The following DNAH6 variants were observed in gnomAD, a reference collection of about 807,000 sequenced individuals.
DNAH6 encodes the protein axonemal beta dynein heavy chain 6.
DNAH6 carries 340 observed loss-of-function variants against 491.4 expected under a neutral mutation model. The ratio of observed to expected loss-of-function variants is 0.69; its 90% CI spans 0.63 to 0.76. DNAH6 has a LOEUF of 0.76. Among genes scored for constraint, DNAH6 ranks in the 30% least tolerant of loss-of-function variants. The pLI is 0.00. For synonymous variants in DNAH6, 1,603 were observed against 1,686.1 expected (o/e 0.95, Z 1.21); for missense variants, 4,443 against 4,972.2 (o/e 0.89, Z 3.20).
At chr2:84,586,991 A>G (rs957329024) in intron 15 of DNAH6, among the ~76,000 whole-genome samples, 2 of 152,100 alleles carry the variant, frequency 1.3e-5, no homozygotes, top group Non-Finnish European at 2.9e-5. Context: ...ATACATGTGC[A>G]GGTTTGTTAT....
intron 16 of DNAH6, among the ~76,000 whole-genome samples, chr2:84,589,645 G>C (rs981295343): frequency 6.6e-6 from 1 of 151,020 alleles, no homozygotes; most frequent in African/African-American, 2.4e-5. Context: ...CCAGGAGGCG[G>C]AGGTTGCGGT....
intron 3 of DNAH6, among the ~76,000 whole-genome samples, chr2:84,527,181 A>T (rs1676682136): frequency 6.6e-6 from 1 of 152,146 alleles, no homozygotes; most frequent in Admixed American, 6.5e-5. Flanking sequence ...GGAAAGTTGG[A>T]GGCCTCTGTT....
chr2:84,800,372 AG>A (rs1225461369), intron 70 of DNAH6, among the ~76,000 whole-genome samples: 5 of 152,236 alleles, frequency 3.3e-5, no homozygotes, highest in African/African-American at 1.2e-4. Context: ...TTACCTCCAA[AG>A]GATCACACTA....
intron 51 of DNAH6, among the ~76,000 whole-genome samples, chr2:84,704,699 G>A (rs1300571085): frequency 6.6e-6 from 1 of 152,212 alleles, no homozygotes; most frequent in Non-Finnish European, 1.5e-5. Flanking sequence ...AATGTTCTTG[G>A]AGTGGGATGG....
chr2:84,749,429 C>T (rs1182629059), intron 63 of DNAH6, among the ~76,000 whole-genome samples: 1 of 152,102 alleles, frequency 6.6e-6, no homozygotes, highest in African/African-American at 2.4e-5. Flanking sequence ...AGGTTATAAT[C>T]AAAATTGAGC....
chr2:84,613,649 G>A (rs1686549306), intron 22 of DNAH6, among the ~76,000 whole-genome samples: 1 of 152,084 alleles, frequency 6.6e-6, no homozygotes. Context: ...AAAGATACCA[G>A]TAAGAAAGTG....
At position 84,611,850 on chromosome 2, in the gene DNAH6, G is replaced by A. The variant is rs911457137; in HGVS notation, c.3471G>A (p.Gln1157=). The change falls in exon 22 of 77, where the codon CAG becomes CAA. Residue 1157 remains glutamine (Q), a synonymous_variant. Transcript: ENST00000389394. The stretch of plus-strand genomic sequence containing the variant: ...CTAATGCTCTTCGAGCCGCTACTCA[G>A]CCAGGTATGAAACAAAATTCCAAAC... The part of the protein sequence containing the change: ...RLPNALRAAT[Q]PGLLETFQNN... 8 of 1,549,940 alleles carry A rather than the reference G, an allele frequency of 5.2e-6. No homozygotes were observed. The highest frequency in any genetic ancestry group is 7.0e-6 in the Non-Finnish European group (8 of 1,146,124).
chr2:84,514,322 A>G (rs946765254), upstream of DNAH6, among the ~76,000 whole-genome samples: 2 of 151,998 alleles, frequency 1.3e-5, no homozygotes, highest in Non-Finnish European at 2.9e-5. Context: ...GCCACTTACT[A>G]CCTCTGAAGT....
the DNAH6 span, among the ~76,000 whole-genome samples, chr2:84,497,927 C>A: frequency 6.6e-6 from 1 of 152,198 alleles, no homozygotes; most frequent in South Asian, 2.1e-4. Flanking sequence ...CTCAGCTTGT[C>A]CCTACCCTTT....
chr2:84,519,791 A>G (rs1024936868), intron 2 of DNAH6, among the ~76,000 whole-genome samples: 20 of 151,636 alleles, frequency 1.3e-4, no homozygotes, highest in Admixed American at 1.3e-3. Context: ...TCTAACATTG[A>G]TGACATCTAG....
At chr2:84,682,673 G>T (rs2104737241) in intron 42 of DNAH6, among the ~76,000 whole-genome samples, 1 of 152,260 alleles carries the variant, frequency 6.6e-6, no homozygotes, top group East Asian at 1.9e-4. Flanking sequence ...AGTTGCTCTG[G>T]CTAGGAACCT....
intron 21 of DNAH6, among the ~76,000 whole-genome samples, chr2:84,607,443 T>C (rs904613351): frequency 1.3e-5 from 2 of 151,990 alleles, no homozygotes; most frequent in Non-Finnish European, 2.9e-5. Flanking sequence ...TAGGAACACA[T>C]GGACATAAAG....
At chr2:84,783,766 G>A (rs1676924694) in intron 65 of DNAH6, among the ~76,000 whole-genome samples, 1 of 152,140 alleles carries the variant, frequency 6.6e-6, no homozygotes, top group African/African-American at 2.4e-5. Context: ...GACAGACAAT[G>A]AATAAACCAC....
At chr2:84,649,988 T>C (rs1690276270) in intron 33 of DNAH6, among the ~76,000 whole-genome samples, 1 of 152,206 alleles carries the variant, frequency 6.6e-6, no homozygotes, top group South Asian at 2.1e-4. Flanking sequence ...TGGTCTCTGA[T>C]GAGAATTCTG....
At chr2:84,731,866 A>C (rs1407415381) in intron 61 of DNAH6, among the ~76,000 whole-genome samples, 1 of 152,176 alleles carries the variant, frequency 6.6e-6, no homozygotes, top group Non-Finnish European at 1.5e-5. Flanking sequence ...AAGGGGCCCA[A>C]ATTTGAATGT....
Position 84,584,111 on chromosome 2 carries a change from C to T in DNAH6, c.2342C>T (p.Pro781Leu). 1 of 1,614,100 alleles carries T rather than the reference C, an allele frequency of 6.2e-7. No individual in the cohort carries two copies. Among genetic ancestry groups the T allele is most frequent in the Non-Finnish European group, 8.5e-7 (1 of 1,180,026 alleles). The change falls in exon 15 of 77, where the codon CCA becomes CTA. Residue 781 changes from proline to leucine, a missense_variant. Pro to Leu is a moderately conservative substitution (Grantham distance 98). Around this residue, in one of 3 missense-constraint regions of DNAH6, gnomAD observed 2,977 missense variants for 3,296.6 expected, o/e 0.90. Transcript: ENST00000389394. ...EDFAVFATMKPSIVAVRNAID... is the reference protein window; with the variant it reads ...EDFAVFATMKLSIVAVRNAID... The stretch of plus-strand genomic sequence containing the variant: ...TTTGCTGTTTTTGCAACTATGAAGC[C>T]ATCCATTGTTGCTGTTCGGAATGCC...
chr2:84,784,328 C>T (rs1272673275), intron 65 of DNAH6, among the ~76,000 whole-genome samples: 1 of 152,144 alleles, frequency 6.6e-6, no homozygotes, highest in African/African-American at 2.4e-5. Flanking sequence ...TGGCCATTTT[C>T]ATGCAACTTG....
At chr2:84,584,477 C>A (rs866738252) in intron 15 of DNAH6, 21 of 480,852 alleles carry the variant, frequency 4.4e-5, no homozygotes, top group African/African-American at 3.7e-4. Flanking sequence ...CTCTTCAAAC[C>A]ATTTAGAGAA....
At chr2:84,511,884 G>T (rs1271095651), upstream of DNAH6, among the ~76,000 whole-genome samples, 1 of 152,094 alleles carries the variant, frequency 6.6e-6, no homozygotes, top group African/African-American at 2.4e-5. Flanking sequence ...TACCCATGGT[G>T]TATAATCCTT....
Sources: allele counts gnomAD v4.1 joint callset (sites outside exome capture counted in the v4.1 genomes callset), GRCh38; gene constraint gnomAD v4.1.1; regional missense constraint gnomAD v4.1.1; transcripts MANE v1.5; gene names NCBI Gene and HGNC (gene_info 2026-07-23, HGNC 2026-07-21).